The following STXBP4 variants were observed in gnomAD, a reference collection of about 807,000 sequenced individuals.
STXBP4 encodes syntaxin-binding protein 4.
Under a neutral mutation model 76.1 loss-of-function variants are expected in STXBP4, and 55 were observed. The ratio of observed to expected loss-of-function variants is 0.72; its 90% confidence interval spans 0.58 to 0.91. The LOEUF is 0.91. STXBP4 is among the 40% of genes least tolerant of loss of function. The probability of loss-of-function intolerance (pLI) is 0.00; values close to 1 mark genes in which losing one functional copy is unlikely to be tolerated. For missense variants in STXBP4, 618 were observed against 636.9 expected (o/e 0.97, Z 0.32); for synonymous variants, 201 against 220.2 (o/e 0.91, Z 0.77).
the STXBP4 span, among the ~76,000 whole-genome samples, chr17:55,187,717 G>A: frequency 6.6e-6 from 1 of 152,180 alleles, no homozygotes; most frequent in Non-Finnish European, 1.5e-5. Flanking sequence ...GGAGTGTCTG[G>A]ACCACGGGAT....
intron 16 of STXBP4, among the ~76,000 whole-genome samples, chr17:55,124,079 G>A (rs865983080): frequency 2.0e-5 from 3 of 152,122 alleles, no homozygotes; most frequent in Non-Finnish European, 4.4e-5. Context: ...AAGGTCCCAA[G>A]CCAGTCACCA....
At chr17:55,004,245 G>A (rs1030671660) in intron 7 of STXBP4, among the ~76,000 whole-genome samples, 8 of 151,990 alleles carry the variant, frequency 5.3e-5, no homozygotes, top group East Asian at 3.9e-4. Flanking sequence ...TACTAATAGC[G>A]CGTAAAGCCT....
downstream of STXBP4, among the ~76,000 whole-genome samples, chr17:55,176,568 C>T (rs940554528): frequency 6.6e-6 from 1 of 152,110 alleles, no homozygotes; most frequent in Non-Finnish European, 1.5e-5. Context: ...CTGGACATTC[C>T]CCTAAGAGTA....
chr17:55,078,609 A>G, intron 14 of STXBP4, 77 bp from the exon 15 acceptor site: 1 of 929,968 alleles, frequency 1.1e-6, no homozygotes, highest in Non-Finnish European at 1.7e-6. Context: ...AGGAGGTTAT[A>G]AATATTAATG....
Position 55,075,074 on chromosome 17 carries a change from C to T in STXBP4, c.1188+1998C>T, listed in dbSNP as rs114535528. The stretch of plus-strand genomic sequence containing the variant: ...ATTTACCTTTTGGAGTTTTTATTCA[C>T]CTTCAACATAAGAAATAAAACATTA... On this transcript the variant is annotated intron_variant, in intron 13 of 17. Transcript: ENST00000376352. 4.8e-3 allele frequency among the ~76,000 whole-genome samples: 723 copies of T among 151,608 alleles called. 7 individuals are homozygous for T. Among genetic ancestry groups the T allele is most frequent in the African/African-American group, 0.013 (518 of 41,418 alleles).
At chr17:55,070,066 G>A (rs1273393855) in intron 12 of STXBP4, among the ~76,000 whole-genome samples, 1 of 152,002 alleles carries the variant, frequency 6.6e-6, no homozygotes, top group East Asian at 1.9e-4. Context: ...ATCTAAAAGT[G>A]ATTTTTTAAA....
intron 1 of STXBP4, among the ~76,000 whole-genome samples, chr17:54,983,471 C>T (rs1042474065): frequency 6.6e-6 from 1 of 152,122 alleles, no homozygotes; most frequent in Non-Finnish European, 1.5e-5. Flanking sequence ...AGAAAGACTG[C>T]TCAGTTTTTC....
chr17:55,039,901 A>G (rs540929702), intron 10 of STXBP4, among the ~76,000 whole-genome samples: 1 of 152,256 alleles, frequency 6.6e-6, no homozygotes, highest in African/African-American at 2.4e-5. Flanking sequence ...ACAAATAACC[A>G]AAGGCCACTG....
chr17:54,995,098 A>G (rs143558779), intron 4 of STXBP4, among the ~76,000 whole-genome samples: 1 of 152,258 alleles, frequency 6.6e-6, no homozygotes, highest in African/African-American at 2.4e-5. Flanking sequence ...CAAGGATGCT[A>G]TCTGATTTTA....
intron 7 of STXBP4, among the ~76,000 whole-genome samples, chr17:55,007,102 C>T (rs1286692287): frequency 6.6e-6 from 1 of 152,064 alleles, no homozygotes; most frequent in Non-Finnish European, 1.5e-5. Flanking sequence ...GTTTGGGAGG[C>T]TGAGGCAGGC....
At chr17:55,176,501 C>G (rs2080431429), downstream of STXBP4, among the ~76,000 whole-genome samples, 1 of 152,132 alleles carries the variant, frequency 6.6e-6, no homozygotes, top group African/African-American at 2.4e-5. Context: ...TGAAATAACT[C>G]TGGAGAAGTA....
At chr17:55,038,758 G>A (rs938580426) in intron 10 of STXBP4, among the ~76,000 whole-genome samples, 8 of 145,866 alleles carry the variant, frequency 5.5e-5, no homozygotes, top group South Asian at 2.1e-4. Flanking sequence ...GACTAATCAA[G>A]TACTGTATCA....
chr17:55,175,797 G>C (rs1199308740), downstream of STXBP4, among the ~76,000 whole-genome samples: 1 of 152,214 alleles, frequency 6.6e-6, no homozygotes, highest in Non-Finnish European at 1.5e-5. Context: ...AGGATAGAAA[G>C]AGATGAGGCC....
intron 17 of STXBP4, among the ~76,000 whole-genome samples, chr17:55,145,890 G>C (rs1434427377): frequency 2.0e-5 from 3 of 152,086 alleles, no homozygotes; most frequent in Non-Finnish European, 4.4e-5. Flanking sequence ...TTTCTCCTTA[G>C]AGAGAGAGTT....
At chr17:55,127,477 A>G (rs1185101400) in intron 16 of STXBP4, among the ~76,000 whole-genome samples, 2 of 152,344 alleles carry the variant, frequency 1.3e-5, no homozygotes, top group East Asian at 1.9e-4. Context: ...ATGGATTGAC[A>G]TATGTTAATC....
chr17:55,020,783 C>T (rs2078296546), intron 8 of STXBP4, among the ~76,000 whole-genome samples: 1 of 152,106 alleles, frequency 6.6e-6, no homozygotes, highest in African/African-American at 2.4e-5. Context: ...TGCCATTGCA[C>T]TCCAGCTTGG....
chr17:55,107,101 T>G (rs1030513751), intron 16 of STXBP4, among the ~76,000 whole-genome samples: 1 of 152,210 alleles, frequency 6.6e-6, no homozygotes, highest in African/African-American at 2.4e-5. Context: ...TCTTTTTACA[T>G]AGTCCCATAT....
chr17:55,161,626 A>G lies in STXBP4; in HGVS notation c.*1715A>G, dbSNP rs552283300. On this transcript the variant is annotated 3_prime_UTR_variant, in exon 18 of 18. Transcript: ENST00000376352. The stretch of plus-strand genomic sequence containing the variant: ...CCCACTGACAAGAGACACCTCATCC[A>G]TTAACTGCTGTTTTGTACCACTTGC... The G allele has an allele frequency of 8.6e-4, 131 of 152,332 alleles. No individual in the cohort carries two copies. Among genetic ancestry groups the G allele is most frequent in the African/African-American group, 3.0e-3 (126 of 41,572 alleles). 9.4% of individuals were successfully genotyped at this position (152,332 alleles called of 1,614,324 possible). A position where few individuals can be genotyped will look rare whatever the true frequency, so the allele number is the denominator to read the frequency against.
At chr17:55,208,914 T>C in the STXBP4 span, among the ~76,000 whole-genome samples, 1 of 149,286 alleles carries the variant, frequency 6.7e-6, no homozygotes, top group Non-Finnish European at 1.5e-5. Context: ...AAACTCTGTC[T>C]CTACAGAAAA....
Sources: gnomAD v4.1 joint callset for allele counts (sites outside exome capture counted in the v4.1 genomes callset) on GRCh38, gnomAD v4.1.1 for gene constraint, MANE v1.5 for transcripts, NCBI Gene and HGNC (gene_info 2026-07-23, HGNC 2026-07-21) for gene names.